C8orf34: variants seen among roughly 807,000 people sequenced by gnomAD.
The protein encoded by C8orf34 is chromosome 8 open reading frame 34, also known as uncharacterized protein C8orf34.
In C8orf34, 65 loss-of-function variants were observed where a neutral mutation model predicts 68.3. That is an observed-to-expected ratio of 0.95 (90% CI 0.78 to 1.17). The LOEUF is 1.17. C8orf34 is among the 50% of genes most tolerant of loss of function. The pLI is 0.00. For synonymous variants in C8orf34, 244 were observed against 241.2 expected (o/e 1.01, Z -0.11); for missense variants, 664 against 655.4 (o/e 1.01, Z -0.14).
intron 5 of C8orf34, among the ~76,000 whole-genome samples, chr8:68,501,736 G>A (rs1005193136): frequency 8.5e-5 from 13 of 152,128 alleles, no homozygotes; most frequent in African/African-American, 3.1e-4. Flanking sequence ...AGCTTTGTGA[G>A]TATCTGTCCC....
At chr8:68,575,495 G>A (rs893951093) in intron 7 of C8orf34, among the ~76,000 whole-genome samples, 6 of 152,072 alleles carry the variant, frequency 3.9e-5, no homozygotes, top group Non-Finnish European at 7.4e-5. Flanking sequence ...ACAGATTGCA[G>A]TGGTACATTG....
intron 3 of C8orf34, among the ~76,000 whole-genome samples, chr8:68,460,803 C>G (rs570576969): frequency 2.6e-5 from 4 of 151,992 alleles, no homozygotes; most frequent in Admixed American, 6.5e-5. Context: ...ACATCACCAT[C>G]ATCAAAGACC....
intron 1 of C8orf34, among the ~76,000 whole-genome samples, chr8:68,346,353 G>A (rs1450444960): frequency 1.3e-5 from 2 of 148,646 alleles, no homozygotes; most frequent in Non-Finnish European, 1.5e-5. Context: ...TGTCTCATAT[G>A]CCACCTGCCC....
chr8:68,738,237 GT>G (rs1585803566), intron 10 of C8orf34, among the ~76,000 whole-genome samples: 1 of 152,172 alleles, frequency 6.6e-6, no homozygotes, highest in East Asian at 1.9e-4. Flanking sequence ...AAATCAAGAA[GT>G]TTTTGGAAAC....
intron 12 of C8orf34, among the ~76,000 whole-genome samples, chr8:68,800,792 TGTTGATAAGAG>T (rs1469072846): frequency 6.6e-6 from 1 of 152,210 alleles, no homozygotes; most frequent in Admixed American, 6.5e-5. Flanking sequence ...TTAGCTACTT[TGTTGATAAGAG>T]GTCAGAAATA....
chr8:68,486,214 C>T (rs1563478808), intron 4 of C8orf34, among the ~76,000 whole-genome samples: 1 of 152,084 alleles, frequency 6.6e-6, no homozygotes, highest in Non-Finnish European at 1.5e-5. Context: ...TATAATTGCA[C>T]TCTGAGATCT....
intron 12 of C8orf34, among the ~76,000 whole-genome samples, chr8:68,801,470 G>T (rs1824325321): frequency 6.6e-6 from 1 of 152,024 alleles, no homozygotes. Context: ...TCCTACCTTG[G>T]TCAGAATTTA....
At chr8:68,763,064 G>C (rs1409977179) in intron 10 of C8orf34, among the ~76,000 whole-genome samples, 1 of 152,190 alleles carries the variant, frequency 6.6e-6, no homozygotes, top group Non-Finnish European at 1.5e-5. Context: ...CTAGGCATCA[G>C]TGAAACAGAT....
At chr8:68,684,118 A>G (rs572274270) in intron 8 of C8orf34, among the ~76,000 whole-genome samples, 13 of 151,874 alleles carry the variant, frequency 8.6e-5, no homozygotes, top group Non-Finnish European at 1.3e-4. Context: ...TTTTTCTTTC[A>G]TCATCTGAAT....
intron 8 of C8orf34, among the ~76,000 whole-genome samples, chr8:68,673,794 G>T (rs1370974894): frequency 6.6e-6 from 1 of 152,146 alleles, no homozygotes; most frequent in African/African-American, 2.4e-5. Flanking sequence ...AACATAGATG[G>T]TAGCAAGACA....
chr8:68,408,406 C>G (rs188151432), intron 1 of C8orf34, among the ~76,000 whole-genome samples: 227 of 152,156 alleles, frequency 1.5e-3, no homozygotes, highest in African/African-American at 5.2e-3. Flanking sequence ...CCGCCACACA[C>G]CCCCAGTCCT....
intron 12 of C8orf34, among the ~76,000 whole-genome samples, chr8:68,804,075 A>C (rs1463720591): frequency 6.6e-6 from 1 of 152,196 alleles, no homozygotes; most frequent in Admixed American, 6.5e-5. Context: ...GTGGTAATGA[A>C]TCTAGTTTCA....
At chr8:68,395,101 T>G (rs891656686) in intron 1 of C8orf34, among the ~76,000 whole-genome samples, 1 of 152,030 alleles carries the variant, frequency 6.6e-6, no homozygotes, top group Non-Finnish European at 1.5e-5. Flanking sequence ...CATTCCTAAA[T>G]GTCAAATATG....
chr8:68,360,492 G>T (rs1471651357), intron 1 of C8orf34, among the ~76,000 whole-genome samples: 1 of 152,122 alleles, frequency 6.6e-6, no homozygotes, highest in East Asian at 1.9e-4. Context: ...TTTCATGGTT[G>T]CATTTTATCA....
At chr8:68,436,513 C>T (rs1008487831) in intron 1 of C8orf34, among the ~76,000 whole-genome samples, 12 of 152,082 alleles carry the variant, frequency 7.9e-5, no homozygotes, top group Non-Finnish European at 4.4e-5. Flanking sequence ...CAGGAGTGCT[C>T]TTATCACTTT....
intron 5 of C8orf34, among the ~76,000 whole-genome samples, chr8:68,501,070 C>A (rs1486685849): frequency 6.6e-6 from 1 of 152,070 alleles, no homozygotes; most frequent in Admixed American, 6.6e-5. Context: ...AGAAGGAGCC[C>A]ATGGGGAAGG....
intron 10 of C8orf34, among the ~76,000 whole-genome samples, chr8:68,745,426 A>C (rs1822455636): frequency 6.6e-6 from 1 of 152,222 alleles, no homozygotes; most frequent in East Asian, 1.9e-4. Context: ...TCCAATTAAA[A>C]GACACACACT....
intron 4 of C8orf34, among the ~76,000 whole-genome samples, chr8:68,476,832 T>A (rs908349175): frequency 1.1e-4 from 17 of 152,298 alleles, no homozygotes; most frequent in African/African-American, 3.8e-4. Flanking sequence ...TAAAGACAGT[T>A]TATTCACAAT....
chr8:68,662,940 T>A (rs1170888313), intron 8 of C8orf34, among the ~76,000 whole-genome samples: 5 of 152,224 alleles, frequency 3.3e-5, no homozygotes, highest in Non-Finnish European at 5.9e-5. Flanking sequence ...ATAGAGATTA[T>A]TTTGAGCTGA....
Sources: allele counts gnomAD v4.1 joint callset (sites outside exome capture counted in the v4.1 genomes callset), GRCh38; gene constraint gnomAD v4.1.1; transcripts MANE v1.5; gene names NCBI Gene and HGNC (gene_info 2026-07-23, HGNC 2026-07-21).